CDC42EP4: variants seen among roughly 807,000 people sequenced by gnomAD.
CDC42EP4 encodes CDC42 effector protein (Rho GTPase binding) 4.
CDC42EP4 carries 6 observed loss-of-function variants against 5.6 expected under a neutral mutation model. The ratio of observed to expected loss-of-function variants is 1.07; its 90% CI spans 0.59 to 2.12. The LOEUF is 2.12. CDC42EP4 is among the 30% of genes most tolerant of loss of function. CDC42EP4 has a pLI of 0.00. For missense variants in CDC42EP4, 490 were observed against 508.6 expected, an observed-to-expected ratio of 0.96 and a Z score of 0.35; for synonymous variants, 230 against 224.2, an observed-to-expected ratio of 1.03 and a Z score of -0.23.
chr17:73,307,889 A>C (rs1043080432), intron 1 of CDC42EP4, among the ~76,000 whole-genome samples: 1 of 149,924 alleles, frequency 6.7e-6, no homozygotes, highest in Non-Finnish European at 1.5e-5. Context: ...TTATAGGTGC[A>C]CGCCACCATG....
At chr17:73,293,377 G>A (rs990969216) in intron 1 of CDC42EP4, among the ~76,000 whole-genome samples, 3 of 152,304 alleles carry the variant, frequency 2.0e-5, no homozygotes, top group Middle Eastern at 6.8e-3. Context: ...GAGACATTTA[G>A]GCCATGTTTT....
chr17:73,304,651 G>A (rs534856181), intron 1 of CDC42EP4, among the ~76,000 whole-genome samples: 4 of 150,782 alleles, frequency 2.7e-5, no homozygotes, highest in East Asian at 3.9e-4. Flanking sequence ...AAGGAACATC[G>A]GGGTGGGGGG....
chr17:73,305,745 G>A (rs1346635057), intron 1 of CDC42EP4, among the ~76,000 whole-genome samples: 1 of 152,240 alleles, frequency 6.6e-6, no homozygotes, highest in Non-Finnish European at 1.5e-5. Context: ...TAAAGATGAT[G>A]CTGTCACACC....
rs1311240064 is a variant in CDC42EP4, at chr17:73,285,157, C to T, written c.*273G>A. 3.3e-6 allele frequency: 1 copy of T among 301,720 alleles called. No homozygotes were observed. The highest frequency in any genetic ancestry group is 2.1e-5 in the African/African-American group (1 of 46,560). The allele number at this position is 301,720 out of a possible 1,614,324, so 18.7% of individuals were successfully genotyped here. Reference sequence around the variant, plus strand: ...GGAAAGGGAGGCCAACAGAGGAAAACCTATTCCTGCTGTGACAACACAGCC... The same window carrying T: ...GGAAAGGGAGGCCAACAGAGGAAAATCTATTCCTGCTGTGACAACACAGCC... On this transcript the variant is annotated 3_prime_UTR_variant, in exon 2 of 2. Coordinates refer to ENST00000335793, the MANE Select transcript of CDC42EP4 (RefSeq NM_012121.5). This position sits in a 1 kb window ranked among gnomAD's most constrained non-coding sequence, Gnocchi z 6.8.
At position 73,297,001 on chromosome 17, in the gene CDC42EP4, A is replaced by AAAAAAAAAAAAAAAAC. The variant is rs547362762; in HGVS notation, c.-112-10390_-112-10389insGTTTTTTTTTTTTTTT. Among the ~76,000 whole-genome samples the AAAAAAAAAAAAAAAAC allele has an allele frequency of 3.2e-3, 195 of 61,752 alleles. 39 individuals are homozygous for AAAAAAAAAAAAAAAAC. The highest frequency in any genetic ancestry group is 7.2e-3 in the Admixed American group (31 of 4,330). The allele number at this position is 61,752 out of a possible 152,430, so 40.5% of individuals were successfully genotyped here. A position where few individuals can be genotyped will look rare whatever the true frequency, so the allele number is the denominator to read the frequency against. On this transcript the variant is annotated intron_variant, in intron 1 of 1. Transcript: ENST00000335793. The stretch of plus-strand genomic sequence containing the variant: ...GTCTCAAAAAAAAAAAAAAAAAAAA[A>AAAAAAAAAAAAAAAAC]AAATACACAAGGCCAAGCGCCGTGG...
rs1277277483 is a variant in CDC42EP4 at position 73,311,924 on chromosome 17, G to T, written c.-144C>A. 1 of 152,240 alleles carries T rather than the reference G, an allele frequency of 6.6e-6. No homozygotes were observed. Among genetic ancestry groups the T allele is most frequent in the Non-Finnish European group, 1.5e-5 (1 of 68,054 alleles). The allele number at this position is 152,240 out of a possible 1,614,324, so 9.4% of individuals were successfully genotyped here. ...CCCCGGAGACCCGAGCTCTGGGCCGGCTGCGCTGTCCCCTTCGTGGGCTCC... is the reference window on the plus strand; with the variant it reads ...CCCCGGAGACCCGAGCTCTGGGCCGTCTGCGCTGTCCCCTTCGTGGGCTCC... On this transcript the variant is annotated 5_prime_UTR_variant, in exon 1 of 2. Transcript: ENST00000335793.
intron 1 of CDC42EP4, among the ~76,000 whole-genome samples, chr17:73,291,240 G>A (rs893646561): frequency 1.3e-5 from 2 of 152,164 alleles, no homozygotes; most frequent in Non-Finnish European, 2.9e-5. Flanking sequence ...TCAATAACCA[G>A]CAAGGAAGGG....
At chr17:73,293,451 A>G (rs537551315) in intron 1 of CDC42EP4, among the ~76,000 whole-genome samples, 2 of 151,196 alleles carry the variant, frequency 1.3e-5, no homozygotes, top group East Asian at 3.9e-4. Flanking sequence ...GACAGGATCA[A>G]ATGGGACTCC....
intron 1 of CDC42EP4, among the ~76,000 whole-genome samples, chr17:73,287,487 A>G (rs570951464): frequency 2.5e-4 from 38 of 152,288 alleles, no homozygotes; most frequent in Middle Eastern, 3.4e-3. Context: ...CAGAAATCCA[A>G]AAAACAGCAG....
intron 1 of CDC42EP4, among the ~76,000 whole-genome samples, chr17:73,293,211 C>A (rs1345769319): frequency 6.6e-6 from 1 of 152,066 alleles, no homozygotes; most frequent in Non-Finnish European, 1.5e-5. Context: ...TGTAAGCAGG[C>A]GAGTGATTCA....
At chr17:73,288,496 T>TGATA (rs1199091383) in intron 1 of CDC42EP4, among the ~76,000 whole-genome samples, 2 of 151,594 alleles carry the variant, frequency 1.3e-5, no homozygotes, top group African/African-American at 4.9e-5. Flanking sequence ...TGACCTCAGG[T>TGATA]GATCCACCCA....
chr17:73,308,802 A>C (rs558972679), intron 1 of CDC42EP4, among the ~76,000 whole-genome samples: 11 of 151,846 alleles, frequency 7.2e-5, no homozygotes, highest in Non-Finnish European at 1.3e-4. Context: ...GGGGAGGCCG[A>C]GGTGGGTGGA....
rs544808658 is a variant in CDC42EP4, at chr17:73,307,638, C to T, written c.-113+4255G>A. ...AATTTTTTGTACTTTTTAGTAGAGA[C>T]AGGGTTTCACTGTGTTAGTCAGGAT... On this transcript the variant is annotated intron_variant, in intron 1 of 1. Transcript: ENST00000335793. 7.9e-5 allele frequency among the ~76,000 whole-genome samples: 12 copies of T among 151,818 alleles called. No individual in the cohort carries two copies. In the South Asian group the frequency reaches 2.3e-3, roughly 29 times the overall value.
intron 1 of CDC42EP4, among the ~76,000 whole-genome samples, chr17:73,308,432 T>A (rs1401409414): frequency 1.3e-5 from 2 of 151,494 alleles, no homozygotes; most frequent in Non-Finnish European, 2.9e-5. Context: ...GACTCCTCCC[T>A]CCCCCCACAG....
At chr17:73,300,738 A>C (rs1030273225) in intron 1 of CDC42EP4, among the ~76,000 whole-genome samples, 2 of 152,142 alleles carry the variant, frequency 1.3e-5, no homozygotes, top group Admixed American at 1.3e-4. Context: ...TATACACATA[A>C]AAATAAACAC....
At position 73,285,514 on chromosome 17, in the gene CDC42EP4, G is replaced by A. The variant is rs769000226; in HGVS notation, c.987C>T (p.Asp329=). The part of the protein sequence containing the change: ...EERSPAFRGP[D]RARAAVSRQP... ...GTCTTGAGACAGCAGCCCGGGCCCTGTCCGGCCCCCGGAAGGCAGGGCTGC... is the reference window on the plus strand; with the variant it reads ...GTCTTGAGACAGCAGCCCGGGCCCTATCCGGCCCCCGGAAGGCAGGGCTGC... Residue 329 remains aspartate, a synonymous_variant, in exon 2 of 2, where the codon GAC becomes GAT. Coordinates refer to ENST00000335793, the MANE Select transcript of CDC42EP4 (RefSeq NM_012121.5). The surrounding 1 kb of genome is among the most constrained non-coding windows in gnomAD (Gnocchi z 6.8). The A allele has an allele frequency of 5.6e-6, 9 of 1,609,798 alleles. No individual in the cohort carries two copies. Among genetic ancestry groups the A allele is most frequent in the East Asian group, 2.2e-5 (1 of 44,774 alleles).
chr17:73,296,229 C>CAAAAAAAAA (rs10562107), intron 1 of CDC42EP4, among the ~76,000 whole-genome samples: 1 of 138,510 alleles, frequency 7.2e-6, no homozygotes, highest in African/African-American at 2.7e-5. Flanking sequence ...ACTAAAAATA[C>CAAAAAAAAA]AAAAAAAAAA....
intron 1 of CDC42EP4, among the ~76,000 whole-genome samples, chr17:73,292,155 C>T (rs1182320408): frequency 6.6e-6 from 1 of 152,274 alleles, no homozygotes; most frequent in African/African-American, 2.4e-5. Flanking sequence ...CTGCGGTTCA[C>T]CCCGGTATAC....
chr17:73,285,257 C>G lies in CDC42EP4; in HGVS notation c.*173G>C, dbSNP rs1026511743. 1.9e-6 allele frequency: 1 copy of G among 518,390 alleles called. No individual in the cohort carries two copies. The highest frequency in any genetic ancestry group is 1.9e-5 in the African/African-American group (1 of 52,416). The allele number at this position is 518,390 out of a possible 1,614,324, so 32.1% of individuals were successfully genotyped here. A position where few individuals can be genotyped will look rare whatever the true frequency, so the allele number is the denominator to read the frequency against. On this transcript the variant is annotated 3_prime_UTR_variant, in exon 2 of 2. Transcript: ENST00000335793. This position sits in a 1 kb window ranked among gnomAD's most constrained non-coding sequence, Gnocchi z 6.8. ...AGTCGGCACCCATGCCAGCCCCCTACGTCCTCCGAAGACCCGAGGGCCAGG... is the reference window on the plus strand; with the variant it reads ...AGTCGGCACCCATGCCAGCCCCCTAGGTCCTCCGAAGACCCGAGGGCCAGG...
Sources: allele counts gnomAD v4.1 joint callset (sites outside exome capture counted in the v4.1 genomes callset), GRCh38; gene constraint gnomAD v4.1.1; non-coding constraint Gnocchi (gnomAD v3.1); transcripts MANE v1.5; gene names NCBI Gene and HGNC (gene_info 2026-07-23, HGNC 2026-07-21).